The following VIRMA variants were observed in gnomAD, a reference collection of about 807,000 sequenced individuals.
VIRMA encodes the protein protein virilizer homolog.
Under a neutral mutation model 182.4 loss-of-function variants are expected in VIRMA, and 65 were observed. The ratio of observed to expected loss-of-function variants is 0.36; its 90% confidence interval spans 0.29 to 0.44. The LOEUF is 0.44. Ranked by LOEUF, VIRMA falls within the 20% of genes least tolerant of loss-of-function variation. VIRMA has a pLI of 1.00. For synonymous variants in VIRMA, 709 were observed against 743.1 expected (o/e 0.95, Z 0.75); for missense variants, 1,752 against 2,158.1 (o/e 0.81, Z 3.73).
At chr8:94,518,104 C>A (rs1291397852) in intron 9 of VIRMA, among the ~76,000 whole-genome samples, 162 bp from the exon 10 acceptor site, 3 of 152,074 alleles carry the variant, frequency 2.0e-5, no homozygotes, top group Non-Finnish European at 2.9e-5. Flanking sequence ...AGTTCATATC[C>A]AATTCACCTG....
chr8:94,544,553 T>C (rs1477739467), intron 1 of VIRMA, among the ~76,000 whole-genome samples: 1 of 148,708 alleles, frequency 6.7e-6, no homozygotes, highest in Admixed American at 6.8e-5. Context: ...CCCAGCTACT[T>C]GGGAGGTTGA....
intron 16 of VIRMA, 92 bp from the exon 17 acceptor site, chr8:94,499,598 AACTT>A (rs1813897662): frequency 4.7e-6 from 4 of 854,780 alleles, no homozygotes; most frequent in Non-Finnish European, 5.1e-6. Context: ...GACAGAATAA[AACTT>A]ACTCCATCAT....
intron 1 of VIRMA, among the ~76,000 whole-genome samples, chr8:94,547,581 C>G (rs1815813317): frequency 6.6e-6 from 1 of 150,770 alleles, no homozygotes; most frequent in Non-Finnish European, 1.5e-5. Context: ...TTTAAATGAC[C>G]TCTAAAATAC....
intron 17 of VIRMA, chr8:94,496,959 G>A (rs1813801562): frequency 6.6e-6 from 1 of 152,350 alleles, no homozygotes; most frequent in African/African-American, 2.4e-5. Flanking sequence ...AGTGAATTCT[G>A]GAGTGATAAC....
rs1378466055 is a variant in VIRMA at position 94,492,658 on chromosome 8, G to A, written c.4802C>T (p.Thr1601Met). The change falls in exon 21 of 24, where the codon ACG becomes ATG. Residue 1601 changes from threonine to methionine, a missense_variant. Coordinates refer to ENST00000297591, the MANE Select transcript of VIRMA (RefSeq NM_015496.5). ...LGKHKHETFI[T>M]SSGKSEYIEP... is the part of the protein sequence containing the mutation. ...TCAGTGGAATAAATTTTACCTTGACGTTATAAAGGTCTCATGCTTGTGCTT... is the reference window on the plus strand; with the variant it reads ...TCAGTGGAATAAATTTTACCTTGACATTATAAAGGTCTCATGCTTGTGCTT... The A allele has an allele frequency of 8.7e-6, 14 of 1,611,574 alleles. 1 individual carries two copies. The Admixed American group carries it at 1.8e-4, about 21-fold the overall frequency.
chr8:94,496,043 A>G (rs1194838528), intron 18 of VIRMA, 152 bp from the exon 19 acceptor site: 1 of 681,312 alleles, frequency 1.5e-6, no homozygotes, highest in African/African-American at 1.8e-5. Flanking sequence ...TTAAAATAAA[A>G]CAAACACCAA....
chr8:94,519,156 C>G lies in VIRMA; in HGVS notation c.2342G>C (p.Cys781Ser), dbSNP rs966879968. 3 of 1,614,098 alleles carry G rather than the reference C, an allele frequency of 1.9e-6. No homozygotes were observed. Among genetic ancestry groups the G allele is most frequent in the Non-Finnish European group, 1.7e-6 (2 of 1,180,006 alleles). The change falls in exon 9 of 24, where the codon TGT becomes TCT. Residue 781 changes from cysteine to serine, a missense_variant. By Grantham distance (112) the Cys-to-Ser change is moderately radical. This residue lies in a region of VIRMA where 45 missense variants were observed against 91.0 expected (regional missense o/e 0.49). Transcript: ENST00000297591. Reference protein sequence around the residue: ...ITELFSHFQRCTASEETDHSD... With the variant: ...ITELFSHFQRSTASEETDHSD... ...ATGGTCTGTTTCTTCACTGGCTGTA[C>G]AACGCTGAAAATGGCTGAACAGTTC...
intron 16 of VIRMA, among the ~76,000 whole-genome samples, chr8:94,502,158 A>G (rs1460801134): frequency 6.6e-6 from 1 of 152,102 alleles, no homozygotes; most frequent in Admixed American, 6.6e-5. Flanking sequence ...TTCCTATTGG[A>G]CAAGGCCTTT....
At chr8:94,547,708 A>G (rs1335014542) in intron 1 of VIRMA, among the ~76,000 whole-genome samples, 1 of 151,016 alleles carries the variant, frequency 6.6e-6, no homozygotes, top group Non-Finnish European at 1.5e-5. Flanking sequence ...AGCTTCAAGA[A>G]TATTACACAC....
At position 94,502,880 on chromosome 8, in the gene VIRMA, C is replaced by T. The variant is rs183707676; in HGVS notation, c.4098-3374G>A. ...ATATATAAATTAAAAAAGTCAAGAG[C>T]ATATGAAAAGGGCACAGAAGCCAAC... On this transcript the variant is annotated intron_variant, in intron 16 of 23. Transcript: ENST00000297591. 4.1e-4 allele frequency among the ~76,000 whole-genome samples: 62 copies of T among 151,980 alleles called. 2 individuals are homozygous for T. The highest frequency in any genetic ancestry group is 4.0e-3 in the Admixed American group (61 of 15,264).
chr8:94,547,342 G>C (rs1351542409), intron 1 of VIRMA, among the ~76,000 whole-genome samples: 1 of 151,066 alleles, frequency 6.6e-6, no homozygotes, highest in Non-Finnish European at 1.5e-5. Flanking sequence ...AAAGTAACAG[G>C]AATATGAAGA....
chr8:94,496,428 G>T lies in VIRMA; in HGVS notation c.4283C>A (p.Ser1428Ter). 6.2e-7 allele frequency: 1 copy of T among 1,613,168 alleles called. No individual in the cohort carries two copies. Residue 1428 changes from serine to a stop codon, truncating the protein, a stop_gained, in exon 18 of 24, where the codon TCA becomes TAA. Coordinates refer to ENST00000297591, the MANE Select transcript of VIRMA (RefSeq NM_015496.5). LOFTEE classifies it high-confidence loss of function. The part of the protein sequence containing the change: ...GLMEVEGAHT[S>*]RTMSINAAEL... Reference sequence around the variant, plus strand: ...TGCAGCATTAATACTCATCGTCCGTGATGTATGAGCTCCCTCTACTTCCAT... The same window carrying T: ...TGCAGCATTAATACTCATCGTCCGTTATGTATGAGCTCCCTCTACTTCCAT...
chr8:94,550,364 C>G (rs1238540370), intron 1 of VIRMA, among the ~76,000 whole-genome samples: 1 of 151,658 alleles, frequency 6.6e-6, no homozygotes, highest in Admixed American at 6.6e-5. Context: ...ACAATCTCGG[C>G]TCACTGCAAG....
At chr8:94,521,399 T>C (rs1814764699) in intron 8 of VIRMA, among the ~76,000 whole-genome samples, 1 of 152,176 alleles carries the variant, frequency 6.6e-6, no homozygotes. Flanking sequence ...TCCTCAACTT[T>C]TTAAAAATGA....
At chr8:94,535,090 G>A in intron 4 of VIRMA, 83 bp from the exon 5 acceptor site, 1 of 1,501,466 alleles carries the variant, frequency 6.7e-7, no homozygotes, top group Non-Finnish European at 8.8e-7. Flanking sequence ...ATTAGATTGT[G>A]GTTCAACTAA....
chr8:94,503,395 A>G (rs912383389), intron 16 of VIRMA, among the ~76,000 whole-genome samples: 1 of 152,254 alleles, frequency 6.6e-6, no homozygotes. Context: ...AAAAAGGCAC[A>G]TTGCCTCTGT....
chr8:94,536,293 G>A (rs1815339907), intron 4 of VIRMA, among the ~76,000 whole-genome samples: 1 of 152,174 alleles, frequency 6.6e-6, no homozygotes, highest in African/African-American at 2.4e-5. Context: ...TAAACAGGAT[G>A]CAAAGGATTT....
At chr8:94,510,944 G>A (rs1414108538) in intron 13 of VIRMA, 3 of 1,300,344 alleles carry the variant, frequency 2.3e-6, no homozygotes, top group South Asian at 1.8e-5. Context: ...ACAGAAAAAT[G>A]TAAGTACAAA....
Position 94,529,155 on chromosome 8 carries a change from C to A in VIRMA, c.795G>T (p.Glu265Asp). ...VDVEEEEDED[E>D]DDRRTVDSIP... ...TACTGTCTACTGTTCGTCGATCATCCTCATCCTCATCCTCTTCTTCCTCTA... is the reference window on the plus strand; with the variant it reads ...TACTGTCTACTGTTCGTCGATCATCATCATCCTCATCCTCTTCTTCCTCTA... Residue 265 changes from glutamate (E) to aspartate (D), a missense_variant, in exon 7 of 24, where the codon GAG becomes GAT. This residue lies in a region of VIRMA where 114 missense variants were observed against 106.9 expected (regional missense o/e 1.07). Transcript: ENST00000297591. The A allele has an allele frequency of 7.2e-7, 1 of 1,393,042 alleles. No homozygotes were observed. The highest frequency in any genetic ancestry group is 1.0e-6 in the Non-Finnish European group (1 of 979,764). The allele number at this position is 1,393,042 out of a possible 1,614,324, so 86.3% of individuals were successfully genotyped here.
Sources: gnomAD v4.1 joint callset for allele counts (sites outside exome capture counted in the v4.1 genomes callset) on GRCh38, gnomAD v4.1.1 for gene constraint, gnomAD v4.1.1 regional missense constraint, MANE v1.5 for transcripts, NCBI Gene and HGNC (gene_info 2026-07-23, HGNC 2026-07-21) for gene names.